FANCC: variants seen among roughly 807,000 people sequenced by gnomAD.
FANCC encodes FA complementation group C, also known as Fanconi anemia group C protein.
Under a neutral mutation model 71.3 loss-of-function variants are expected in FANCC, and 55 were observed. The ratio of observed to expected loss-of-function variants is 0.77; its 90% confidence interval spans 0.62 to 0.97. FANCC has a LOEUF of 0.97. Ranked by LOEUF, FANCC falls within the 50% of genes least tolerant of loss-of-function variation. The pLI, the probability that FANCC is intolerant of heterozygous loss-of-function variation, is 0.00. For missense variants in FANCC, 678 were observed against 670.9 expected, an observed-to-expected ratio of 1.01 and a Z score of -0.12; for synonymous variants, 275 against 244.9, an observed-to-expected ratio of 1.12 and a Z score of -1.15.
chr9:95,303,413 G>C (rs2136376722), intron 1 of FANCC, among the ~76,000 whole-genome samples: 1 of 152,272 alleles, frequency 6.6e-6, no homozygotes, highest in East Asian at 1.9e-4. Flanking sequence ...ATATTCTCTT[G>C]CAACGCATGC....
At chr9:95,262,621 G>A (rs1832121389) in intron 1 of FANCC, among the ~76,000 whole-genome samples, 1 of 152,114 alleles carries the variant, frequency 6.6e-6, no homozygotes. Flanking sequence ...CCACTTCTAG[G>A]TATATACCCA....
At chr9:95,308,461 A>G (rs368257439) in intron 1 of FANCC, among the ~76,000 whole-genome samples, 1 of 148,966 alleles carries the variant, frequency 6.7e-6, no homozygotes, top group Admixed American at 6.7e-5. Context: ...TTTTTTTTGT[A>G]TTTTTATTAG....
intron 6 of FANCC, among the ~76,000 whole-genome samples, chr9:95,166,594 G>A (rs1002977544): frequency 6.6e-6 from 1 of 151,922 alleles, no homozygotes; most frequent in Admixed American, 6.6e-5. Flanking sequence ...TATCTTTTAA[G>A]TTCTATACCA....
chr9:95,210,694 T>C (rs1241883115), intron 4 of FANCC, among the ~76,000 whole-genome samples: 1 of 152,226 alleles, frequency 6.6e-6, no homozygotes, highest in African/African-American at 2.4e-5. Context: ...GGCAATTAGC[T>C]GTGTTGCAGA....
At chr9:95,314,045 G>A (rs1835586911) in intron 1 of FANCC, among the ~76,000 whole-genome samples, 1 of 152,168 alleles carries the variant, frequency 6.6e-6, no homozygotes, top group Non-Finnish European at 1.5e-5. Flanking sequence ...TACACTCCAT[G>A]TCTATTCAGC....
intron 4 of FANCC, among the ~76,000 whole-genome samples, chr9:95,205,386 A>C (rs1193591583): frequency 6.6e-6 from 1 of 152,148 alleles, no homozygotes; most frequent in Non-Finnish European, 1.5e-5. Flanking sequence ...ATATTTTAAA[A>C]AACTTGACAA....
At chr9:95,291,301 G>A (rs1833982009) in intron 1 of FANCC, among the ~76,000 whole-genome samples, 1 of 151,944 alleles carries the variant, frequency 6.6e-6, no homozygotes. Context: ...GTTTACAGAT[G>A]ACACAGTACA....
At chr9:95,123,206 G>A (rs1588091043) in intron 10 of FANCC, 1 of 203,162 alleles carries the variant, frequency 4.9e-6, no homozygotes, top group East Asian at 1.6e-4. Context: ...GGGAGGCTGA[G>A]GTGGGGGGAT....
At chr9:95,256,875 G>A (rs1360613373) in intron 1 of FANCC, among the ~76,000 whole-genome samples, 2 of 152,026 alleles carry the variant, frequency 1.3e-5, no homozygotes, top group East Asian at 1.9e-4. Context: ...AAAAAAGCAG[G>A]GGTTGCAATG....
intron 12 of FANCC, chr9:95,114,020 G>C (rs1410739133): frequency 1.2e-5 from 2 of 161,872 alleles, no homozygotes; most frequent in African/African-American, 2.4e-5. Context: ...GCAGGAATTT[G>C]AGGCTACAGT....
chr9:95,210,268 G>A (rs1051743847), intron 4 of FANCC, among the ~76,000 whole-genome samples: 1 of 152,220 alleles, frequency 6.6e-6, no homozygotes, highest in South Asian at 2.1e-4. Context: ...CAGTTATGTG[G>A]ATGATATTGA....
At chr9:95,104,673 T>G (rs1192400619) in intron 14 of FANCC, among the ~76,000 whole-genome samples, 1 of 152,136 alleles carries the variant, frequency 6.6e-6, no homozygotes, top group East Asian at 1.9e-4. Context: ...GAGACCTGGG[T>G]GTCTCTAGGG....
rs182544847 is a variant in FANCC, at chr9:95,204,062, C to T, written c.346-31915G>A. The stretch of plus-strand genomic sequence containing the variant: ...GTGGAGGGGATAACTGTAAATATCC[C>T]CAGGAGCAAAGAAGCACTGTGTCCA... On this transcript the variant is annotated intron_variant, in intron 4 of 14. Transcript: ENST00000289081. 7.9e-5 allele frequency among the ~76,000 whole-genome samples: 12 copies of T among 152,160 alleles called. No homozygotes were observed. The East Asian group carries it at 2.3e-3, about 29-fold the overall frequency.
chr9:95,308,542 TC>T (rs1185061535), intron 1 of FANCC, among the ~76,000 whole-genome samples: 1 of 152,070 alleles, frequency 6.6e-6, no homozygotes, highest in African/African-American at 2.4e-5. Flanking sequence ...CGCCTTGGCC[TC>T]CCAAAGTGCT....
intron 1 of FANCC, among the ~76,000 whole-genome samples, chr9:95,295,710 G>C (rs1020077153): frequency 6.6e-6 from 1 of 151,384 alleles, no homozygotes; most frequent in African/African-American, 2.4e-5. Flanking sequence ...TGAGGCTACA[G>C]TGAGCTATGA....
At chr9:95,298,507 G>A (rs569934481) in intron 1 of FANCC, among the ~76,000 whole-genome samples, 1 of 152,314 alleles carries the variant, frequency 6.6e-6, no homozygotes, top group East Asian at 1.9e-4. Flanking sequence ...TAAAGCTATG[G>A]AAATGGATGA....
intron 7 of FANCC, among the ~76,000 whole-genome samples, chr9:95,138,305 T>G (rs953793085): frequency 6.6e-6 from 1 of 152,200 alleles, no homozygotes; most frequent in Non-Finnish European, 1.5e-5. Flanking sequence ...GCAGCTTTAC[T>G]GGGTGGGCCA....
intron 4 of FANCC, among the ~76,000 whole-genome samples, chr9:95,192,942 A>C (rs1481574194): frequency 2.0e-5 from 3 of 152,228 alleles, no homozygotes; most frequent in African/African-American, 7.2e-5. Flanking sequence ...CTCTTGTCAG[A>C]AAGTTCCTTT....
At chr9:95,301,078 G>C (rs1465072820) in intron 1 of FANCC, among the ~76,000 whole-genome samples, 2 of 151,802 alleles carry the variant, frequency 1.3e-5, no homozygotes, top group Non-Finnish European at 2.9e-5. Context: ...TTCCTCGCTT[G>C]CAATTATTTC....
Sources: allele counts gnomAD v4.1 joint callset (sites outside exome capture counted in the v4.1 genomes callset), GRCh38; gene constraint gnomAD v4.1.1; transcripts MANE v1.5; gene names NCBI Gene and HGNC (gene_info 2026-07-23, HGNC 2026-07-21).